CARMIL1: variants seen among roughly 807,000 people sequenced by gnomAD.
CARMIL1 encodes capping protein regulator and myosin 1 linker 1, also known as F-actin-uncapping protein LRRC16A.
CARMIL1 carries 90 observed loss-of-function variants against 177.1 expected under a neutral mutation model. That is an observed-to-expected ratio of 0.51 (90% CI 0.43 to 0.61). The LOEUF (loss-of-function observed/expected upper bound fraction) is 0.61. Ranked by LOEUF, CARMIL1 falls within the 20% of genes least tolerant of loss-of-function variation. The probability of loss-of-function intolerance (pLI) is 0.00; values close to 1 mark genes in which losing one functional copy is unlikely to be tolerated. For missense variants in CARMIL1, 1,380 were observed against 1,667.0 expected (o/e 0.83, Z 3.00); for synonymous variants, 577 against 606.2 (o/e 0.95, Z 0.71).
chr6:25,407,502 T>C (rs1195761240), intron 2 of CARMIL1, among the ~76,000 whole-genome samples: 1 of 152,024 alleles, frequency 6.6e-6, no homozygotes, highest in East Asian at 1.9e-4. Context: ...TGGTAAGTGA[T>C]ACCATTCTGA....
intron 22 of CARMIL1, 70 bp downstream of exon 22, chr6:25,517,485 T>G: frequency 8.3e-7 from 1 of 1,205,874 alleles, no homozygotes; most frequent in Non-Finnish European, 1.2e-6. Flanking sequence ...ATGTTACCTG[T>G]TGGGTAATAG....
chr6:25,283,410 G>A lies in CARMIL1; in HGVS notation c.41-1402G>A, dbSNP rs552755939. Reference sequence around the variant, plus strand: ...AGTCATGCCTAGGTAGTCAGGAGCCGTGGAGGAGGTAGATTTTAGGAGACT... The same window carrying A: ...AGTCATGCCTAGGTAGTCAGGAGCCATGGAGGAGGTAGATTTTAGGAGACT... On this transcript the variant is annotated intron_variant, in intron 1 of 36. Transcript: ENST00000329474. 4.6e-5 allele frequency among the ~76,000 whole-genome samples: 7 copies of A among 152,312 alleles called. No homozygotes were observed. In the South Asian group the frequency reaches 6.2e-4, roughly 14 times the overall value.
intron 24 of CARMIL1, among the ~76,000 whole-genome samples, chr6:25,531,926 A>G (rs1582268567): frequency 6.6e-6 from 1 of 151,728 alleles, no homozygotes. Context: ...GCCCATCACC[A>G]CACCCAGCTA....
At chr6:25,563,944 A>G in intron 29 of CARMIL1, 8 of 854,850 alleles carry the variant, frequency 9.4e-6, no homozygotes, top group Non-Finnish European at 1.1e-5. Flanking sequence ...AATCAGTATA[A>G]TGGTTGCAAC....
chr6:25,315,048 A>G (rs890778893), intron 2 of CARMIL1, among the ~76,000 whole-genome samples: 3 of 152,160 alleles, frequency 2.0e-5, no homozygotes, highest in African/African-American at 7.2e-5. Flanking sequence ...TATATGTATT[A>G]TCTGTTTTAA....
chr6:25,485,291 G>A (rs1333038799), intron 12 of CARMIL1, among the ~76,000 whole-genome samples: 2 of 151,982 alleles, frequency 1.3e-5, no homozygotes, highest in East Asian at 1.9e-4. Context: ...ACAGCCCCAC[G>A]TTGCCTGTAC....
chr6:25,592,317 C>T (rs1194585363), intron 31 of CARMIL1, among the ~76,000 whole-genome samples: 2 of 152,192 alleles, frequency 1.3e-5, no homozygotes, highest in African/African-American at 4.8e-5. Context: ...ACTATATTAA[C>T]TTAAGGGGCT....
chr6:25,529,715 T>TCCG (rs1458895078), intron 24 of CARMIL1, among the ~76,000 whole-genome samples: 12 of 37,906 alleles, frequency 3.2e-4, no homozygotes, highest in Admixed American at 1.9e-3. Context: ...GCCACTGCAG[T>TCCG]CCGCAGTCCG....
In CARMIL1 at chr6:25,408,621, C is replaced by T. The variant is rs117769118; in HGVS notation, c.139-11493C>T. Among the ~76,000 whole-genome samples the T allele has an allele frequency of 5.3e-3, 802 of 152,200 alleles. 1 individual carries two copies. The highest frequency in any genetic ancestry group is 0.044 in the Middle Eastern group (13 of 294). ...CACAGAGGTCTTTCTCAAAATCATT[C>T]GTGCTTGTAAGTGGTGGGACCAGAA... On this transcript the variant is annotated intron_variant, in intron 2 of 36. Transcript: ENST00000329474.
intron 10 of CARMIL1, among the ~76,000 whole-genome samples, 162 bp downstream of exon 10, chr6:25,471,419 G>A (rs1450480269): frequency 6.6e-6 from 1 of 151,112 alleles, no homozygotes; most frequent in Non-Finnish European, 1.5e-5. Context: ...CCATCATCAT[G>A]AAGGCTAAGA....
At chr6:25,477,120 C>CAA (rs796882992) in intron 11 of CARMIL1, among the ~76,000 whole-genome samples, 6 of 138,652 alleles carry the variant, frequency 4.3e-5, no homozygotes, top group African/African-American at 7.9e-5. Context: ...CAAACAACAA[C>CAA]AAAAAAAAAA....
intron 8 of CARMIL1, among the ~76,000 whole-genome samples, chr6:25,456,234 C>T (rs1019292328): frequency 2.6e-5 from 4 of 152,150 alleles, no homozygotes; most frequent in Admixed American, 2.6e-4. Context: ...GCACTAAAAC[C>T]CGTAAGATCT....
intron 17 of CARMIL1, among the ~76,000 whole-genome samples, chr6:25,503,854 A>T (rs1804660990): frequency 6.6e-6 from 1 of 151,982 alleles, no homozygotes; most frequent in Admixed American, 6.6e-5. Flanking sequence ...CAGACCTAGG[A>T]TGAGTCAAGG....
At chr6:25,291,516 A>G (rs541723493) in intron 2 of CARMIL1, among the ~76,000 whole-genome samples, 62 of 152,288 alleles carry the variant, frequency 4.1e-4, no homozygotes, top group Non-Finnish European at 4.4e-4. Flanking sequence ...TCTAGTACCT[A>G]ACTTGATTCA....
At chr6:25,566,317 C>T (rs1260247591) in intron 29 of CARMIL1, among the ~76,000 whole-genome samples, 1 of 152,196 alleles carries the variant, frequency 6.6e-6, no homozygotes. Context: ...CATGGTCTGC[C>T]TTCTGTCTCT....
intron 29 of CARMIL1, chr6:25,563,619 A>G (rs1811319632): frequency 3.0e-6 from 3 of 985,302 alleles, no homozygotes; most frequent in Non-Finnish European, 3.6e-6. Context: ...TAAGCCATGC[A>G]TAGGCTAGAT....
rs966965666 is a variant in CARMIL1, at chr6:25,458,150, G to T, written c.614+7439G>T. ...TTTAATAGGTTATCTAGAATGTAGA[G>T]TAGCGAAGAATTTGGCAAGAGATCT... is the stretch of plus-strand genomic sequence containing the variant. On this transcript the variant is annotated intron_variant, in intron 8 of 36. Transcript: ENST00000329474. 2.0e-5 allele frequency among the ~76,000 whole-genome samples: 3 copies of T among 152,246 alleles called. No individual in the cohort carries two copies. In the South Asian group the frequency reaches 6.2e-4, roughly 32 times the overall value.
intron 2 of CARMIL1, among the ~76,000 whole-genome samples, chr6:25,415,724 T>C (rs190744189): frequency 2.7e-4 from 41 of 152,346 alleles, no homozygotes; most frequent in African/African-American, 9.1e-4. Flanking sequence ...GTTCATACTT[T>C]GTTCACGTTT....
intron 2 of CARMIL1, among the ~76,000 whole-genome samples, chr6:25,384,876 C>T (rs1791992007): frequency 6.6e-6 from 1 of 152,200 alleles, no homozygotes; most frequent in African/African-American, 2.4e-5. Flanking sequence ...ACATCATCAT[C>T]CTCAAAAGCA....
Sources: allele counts gnomAD v4.1 joint callset (sites outside exome capture counted in the v4.1 genomes callset), GRCh38; gene constraint gnomAD v4.1.1; transcripts MANE v1.5; gene names NCBI Gene and HGNC (gene_info 2026-07-23, HGNC 2026-07-21).